The following TTC14 variants were observed in gnomAD, a reference collection of about 807,000 sequenced individuals.
TTC14 encodes the protein tetratricopeptide repeat domain 14.
In TTC14, 63 loss-of-function variants were observed where a neutral mutation model predicts 79.9. That is an observed-to-expected ratio of 0.79 (90% CI 0.64 to 0.97). TTC14 has a LOEUF of 0.97. Ranked by LOEUF, TTC14 falls within the 50% of genes least tolerant of loss-of-function variation. The pLI is 0.00. For missense variants in TTC14, 895 were observed against 894.0 expected (o/e 1.00, Z -0.01); for synonymous variants, 335 against 309.6 (o/e 1.08, Z -0.86).
In TTC14 at chr3:180,606,351, C is replaced by T; in HGVS notation, c.1028C>T (p.Ala343Val). The T allele has an allele frequency of 6.2e-7, 1 of 1,614,056 alleles. No individual in the cohort carries two copies. Among genetic ancestry groups the T allele is most frequent in the South Asian group, 1.1e-5 (1 of 91,076 alleles). The change falls in exon 8 of 12, where the codon GCT becomes GTT. Residue 343 changes from alanine to valine, a missense_variant. Coordinates refer to ENST00000296015, the MANE Select transcript of TTC14 (RefSeq NM_133462.4). ...GAAATAGACAAACAAAACGTGGAAG[C>T]TTTGGTAGCTCGTGGAGCATTGTAA... ...ALEIDKQNVE[A>V]LVARGALYAT...
intron 9 of TTC14, 88 bp downstream of exon 9, chr3:180,606,691 C>T: frequency 1.4e-6 from 2 of 1,425,412 alleles, no homozygotes; most frequent in Middle Eastern, 2.0e-4. Context: ...GTTTCTTAAG[C>T]ACTTAATTTA....
chr3:180,613,612 A>G (rs904428393), downstream of TTC14, among the ~76,000 whole-genome samples: 2 of 152,208 alleles, frequency 1.3e-5, no homozygotes, highest in Non-Finnish European at 2.9e-5. Flanking sequence ...GGAAGTAACT[A>G]TCCAAGGTTA....
At position 180,602,235 on chromosome 3, in the gene TTC14, G is replaced by C. The variant is rs746332539; in HGVS notation, c.-27G>C. 6.2e-7 allele frequency: 1 copy of C among 1,611,630 alleles called. No individual in the cohort carries two copies. On this transcript the variant is annotated 5_prime_UTR_variant, in exon 1 of 12. Coordinates refer to ENST00000296015, the MANE Select transcript of TTC14 (RefSeq NM_133462.4). Reference sequence around the variant, plus strand: ...CGGAACAGGGAACTATCAGCCCGTCGGCCTCCGGGCCCTGCATTCTCTAGC... The same window carrying C: ...CGGAACAGGGAACTATCAGCCCGTCCGCCTCCGGGCCCTGCATTCTCTAGC...
rs752498957 is a variant in TTC14 at position 180,616,815 on chromosome 3, GAT to G, written c.1775-562_1775-561del. 2.6e-5 allele frequency: 41 copies of G among 1,606,700 alleles called. No homozygotes were observed. Among genetic ancestry groups the G allele is most frequent in the Non-Finnish European group, 3.3e-5 (39 of 1,176,396 alleles). ...AAATATGAAAGGTCAGTTTTTAAAA[GAT>G]ATCGATACCTGTTTGGTCACTCTTT... On this transcript the variant is annotated intron_variant, in intron 12 of 12. Coordinates refer to the TTC14 transcript ENST00000382584.
intron 6 of TTC14, 24 bp downstream of exon 6, chr3:180,605,031 T>C (rs762485531): frequency 2.5e-6 from 4 of 1,590,888 alleles, no homozygotes; most frequent in Non-Finnish European, 3.4e-6. Flanking sequence ...GTATTACTCT[T>C]AGATGGTGAG....
At chr3:180,613,062 C>G (rs2108401524), downstream of TTC14, among the ~76,000 whole-genome samples, 1 of 152,120 alleles carries the variant, frequency 6.6e-6, no homozygotes, top group South Asian at 2.1e-4. Context: ...GCTATTACAC[C>G]CCATTCAATG....
At chr3:180,613,983 T>C, downstream of TTC14, 1 of 382,652 alleles carries the variant, frequency 2.6e-6, no homozygotes. Flanking sequence ...TTTCCCAAGG[T>C]TTGAAGGAGA....
intron 11 of TTC14, chr3:180,609,174 G>A: frequency 4.8e-6 from 3 of 621,582 alleles, no homozygotes; most frequent in Non-Finnish European, 6.1e-6. Flanking sequence ...ATAACTGATA[G>A]GGTGCTACTG....
At chr3:180,618,137 A>G (rs1365726392), downstream of TTC14, among the ~76,000 whole-genome samples, 1 of 152,174 alleles carries the variant, frequency 6.6e-6, no homozygotes, top group African/African-American at 2.4e-5. Flanking sequence ...TATACCATCT[A>G]GGTTTGTGTA....
In TTC14 at chr3:180,609,918, G is replaced by C. The variant is rs1016219261; in HGVS notation, c.1689G>C (p.Arg563Ser). Reference sequence around the variant, plus strand: ...AGAAACTACTGGGGAAGCAGGATAGGTTACAGTATGAAAAGACACAGATAA... The same window carrying C: ...AGAAACTACTGGGGAAGCAGGATAGCTTACAGTATGAAAAGACACAGATAA... Reference protein sequence around the residue: ...EVEKLLGKQDRLQYEKTQIKE... With the variant: ...EVEKLLGKQDSLQYEKTQIKE... The change falls in exon 12 of 12, where the codon AGG becomes AGC. Residue 563 changes from arginine to serine, a missense_variant. Transcript: ENST00000296015. 5.0e-6 allele frequency: 8 copies of C among 1,614,002 alleles called. No homozygotes were observed. Among genetic ancestry groups the C allele is most frequent in the Non-Finnish European group, 5.9e-6 (7 of 1,179,936 alleles).
At chr3:180,616,985 C>A in intron 12 of TTC14, 1 of 1,211,586 alleles carries the variant, frequency 8.3e-7, no homozygotes, top group Non-Finnish European at 1.1e-6. Flanking sequence ...AAAATATTAA[C>A]ATGTATTTTT....
At chr3:180,604,653 C>T (rs1330135993) in intron 5 of TTC14, 46 bp downstream of exon 5, 6 of 1,564,472 alleles carry the variant, frequency 3.8e-6, no homozygotes, top group Non-Finnish European at 8.6e-7. Flanking sequence ...ACAAAAGTCT[C>T]TTGGATTGAG....
Position 180,608,709 on chromosome 3 carries a change from G to T in TTC14, c.1299G>T (p.Leu433Phe). 1 of 1,525,328 alleles carries T rather than the reference G, an allele frequency of 6.6e-7. No homozygotes were observed. The highest frequency in any genetic ancestry group is 1.3e-5 in the South Asian group (1 of 77,788). 94.5% of individuals were successfully genotyped at this position (1,525,328 alleles called of 1,614,324 possible). ...QKLHKYMQKS[L>F]ELREKQAEKE... ...TATCTGGGTTCTAAAAGAAATCTTT[G>T]GAATTAAGAGAAAAACAAGCTGAAA... Residue 433 changes from leucine (L) to phenylalanine (F), a missense_variant, in exon 11 of 12, where the codon TTG becomes TTT. By Grantham distance (22) the Leu-to-Phe change is conservative. Transcript: ENST00000296015.
chr3:180,616,197 A>G, intron 12 of TTC14: 2 of 1,142,320 alleles, frequency 1.8e-6, no homozygotes, highest in South Asian at 1.3e-5. Flanking sequence ...CCTGCCTAAC[A>G]GCTGCGGTGA....
rs1233598463 is a variant in TTC14, at chr3:180,603,198, C to G, written c.361C>G (p.Arg121Gly). The change falls in exon 3 of 12, where the codon CGA becomes GGA. Residue 121 changes from arginine (R) to glycine (G), a missense_variant. Arg to Gly is a moderately radical substitution (Grantham distance 125, BLOSUM62 -2). Coordinates refer to ENST00000296015, the MANE Select transcript of TTC14 (RefSeq NM_133462.4). ...TATGGATCGGAGAGAGCTGTTTTTC[C>G]GAGATATTGAGCGTGGTGATATAGT... ...PSMDRRELFF[R>G]DIERGDIVIG... is the part of the protein sequence containing the mutation. The G allele has an allele frequency of 1.9e-6, 3 of 1,613,660 alleles. No individual in the cohort carries two copies. The highest frequency in any genetic ancestry group is 2.5e-6 in the Non-Finnish European group (3 of 1,179,994).
chr3:180,607,871 GAA>G, intron 10 of TTC14, 106 bp downstream of exon 10: 1 of 1,510,774 alleles, frequency 6.6e-7, no homozygotes, highest in South Asian at 1.3e-5. Flanking sequence ...AAGGCATTAT[GAA>G]AAGTTTCTTT....
chr3:180,605,103 C>A, intron 6 of TTC14, 96 bp downstream of exon 6: 1 of 1,242,346 alleles, frequency 8.0e-7, no homozygotes, highest in Non-Finnish European at 1.1e-6. Flanking sequence ...CATCCTAAGC[C>A]ACCTAGTAGC....
In TTC14 at chr3:180,609,936, A is replaced by C; in HGVS notation, c.1707A>C (p.Thr569=). 1 of 1,614,108 alleles carries C rather than the reference A, an allele frequency of 6.2e-7. No individual in the cohort carries two copies. Among genetic ancestry groups the C allele is most frequent in the Non-Finnish European group, 8.5e-7 (1 of 1,179,958 alleles). Residue 569 remains threonine (T), a synonymous_variant, in exon 12 of 12, where the codon ACA becomes ACC. Transcript: ENST00000296015. ...GKQDRLQYEK[T]QIKEKDRCPL... ...AGGATAGGTTACAGTATGAAAAGACACAGATAAAAGAGAAAGATAGATGCC... is the reference window on the plus strand; with the variant it reads ...AGGATAGGTTACAGTATGAAAAGACCCAGATAAAAGAGAAAGATAGATGCC...
intron 1 of TTC14, 171 bp downstream of exon 1, chr3:180,602,593 AATGCGGG>A: frequency 1.1e-6 from 1 of 903,972 alleles, no homozygotes; most frequent in African/African-American, 1.7e-5. Flanking sequence ...TGGGTTGTGC[AATGCGGG>A]ATGCGGGCTG....
Sources: allele counts gnomAD v4.1 joint callset (sites outside exome capture counted in the v4.1 genomes callset), GRCh38; gene constraint gnomAD v4.1.1; transcripts MANE v1.5; gene names NCBI Gene and HGNC (gene_info 2026-07-23, HGNC 2026-07-21).